Variants in ITGA9 observed in about 807,000 individuals in gnomAD.
The protein encoded by ITGA9 is integrin subunit alpha 9.
In ITGA9, 56 loss-of-function variants were observed where a neutral mutation model predicts 127.8. The ratio of observed to expected loss-of-function variants is 0.44; its 90% confidence interval spans 0.35 to 0.55. The LOEUF (loss-of-function observed/expected upper bound fraction) is 0.55. Ranked by LOEUF, ITGA9 falls within the 20% of genes least tolerant of loss-of-function variation. The pLI, the probability that ITGA9 is intolerant of heterozygous loss-of-function variation, is 0.00. For synonymous variants in ITGA9, 508 were observed against 514.5 expected, an observed-to-expected ratio of 0.99 and a Z score of 0.17; for missense variants, 1,196 against 1,347.1, an observed-to-expected ratio of 0.89 and a Z score of 1.76.
chr3:37,532,837 T>A (rs1699167720), intron 13 of ITGA9, among the ~76,000 whole-genome samples: 1 of 152,194 alleles, frequency 6.6e-6, no homozygotes, highest in African/African-American at 2.4e-5. Context: ...ATGCAGGAGG[T>A]TTGACCAACT....
chr3:37,752,337 A>G (rs562261144), intron 23 of ITGA9, among the ~76,000 whole-genome samples: 8 of 152,296 alleles, frequency 5.3e-5, no homozygotes, highest in African/African-American at 1.9e-4. Flanking sequence ...ACCAGCACTC[A>G]TTCTCTGTAC....
intron 18 of ITGA9, among the ~76,000 whole-genome samples, chr3:37,714,966 C>A (rs114906726): frequency 0.011 from 1,623 of 152,322 alleles, 26 homozygotes; most frequent in African/African-American, 0.037. Flanking sequence ...TTCCCTCACC[C>A]TCTCTGGGTC....
At chr3:37,656,842 C>CT (rs957537180) in intron 17 of ITGA9, among the ~76,000 whole-genome samples, 2 of 95,268 alleles carry the variant, frequency 2.1e-5, no homozygotes, top group East Asian at 3.0e-4. Context: ...ATAAACAGCT[C>CT]TTTTTTTTTG....
Position 37,462,684 on chromosome 3 carries a change from G to C in ITGA9, c.186-8323G>C, listed in dbSNP as rs141547519. Among the ~76,000 whole-genome samples, 48 of 152,294 alleles carry C rather than the reference G, an allele frequency of 3.2e-4. 1 individual carries two copies. The highest frequency in any genetic ancestry group is 1.0e-3 in the African/African-American group (43 of 41,564). On this transcript the variant is annotated intron_variant, in intron 1 of 27. Transcript: ENST00000264741. ...AGGTATCAGGTTTCTAAGGAAAAAG[G>C]AGAAGGGCCCTGAAAGGAAAAGGGC...
rs548164610 is a variant in ITGA9, at chr3:37,682,580, A to G, written c.1917-1285A>G. On this transcript the variant is annotated intron_variant, in intron 17 of 27. Coordinates refer to ENST00000264741, the MANE Select transcript of ITGA9 (RefSeq NM_002207.3). ...ATCGTTTCTAGTCTGTCCCAAATGTATCCTAGCCCAGACCCCTCCTTCAAC... is the reference window on the plus strand; with the variant it reads ...ATCGTTTCTAGTCTGTCCCAAATGTGTCCTAGCCCAGACCCCTCCTTCAAC... 1.1e-4 allele frequency among the ~76,000 whole-genome samples: 17 copies of G among 152,268 alleles called. No individual in the cohort carries two copies. In the South Asian group the frequency reaches 3.5e-3, roughly 32 times the overall value.
In ITGA9 at chr3:37,629,490, A is replaced by G. The variant is rs1404326198; in HGVS notation, c.1839+154A>G. On this transcript the variant is annotated intron_variant, in intron 16 of 27. Transcript: ENST00000264741. This position sits in a 1 kb window ranked among gnomAD's most constrained non-coding sequence, Gnocchi z 4.5. ...CTGGGTCTCCCTTTTCTGATCTGCA[A>G]AATGATAAAATAAACAGTCTTAGGG... 14 of 771,226 alleles carry G rather than the reference A, an allele frequency of 1.8e-5. No homozygotes were observed. Among genetic ancestry groups the G allele is most frequent in the Non-Finnish European group, 2.9e-5 (13 of 454,304 alleles). 47.8% of individuals were successfully genotyped at this position (771,226 alleles called of 1,614,324 possible).
intron 26 of ITGA9, among the ~76,000 whole-genome samples, chr3:37,803,278 G>A (rs902055128): frequency 2.6e-5 from 4 of 152,118 alleles, no homozygotes; most frequent in Admixed American, 2.6e-4. Context: ...TTAAATCAGG[G>A]TTGTTGTCAT....
At chr3:37,455,941 T>C (rs1254375598) in intron 1 of ITGA9, among the ~76,000 whole-genome samples, 1 of 152,208 alleles carries the variant, frequency 6.6e-6, no homozygotes, top group Middle Eastern at 3.2e-3. Flanking sequence ...AGCACTTCTC[T>C]AATCCCATAA....
chr3:37,787,730 C>G (rs865888402), intron 26 of ITGA9, among the ~76,000 whole-genome samples: 2 of 152,216 alleles, frequency 1.3e-5, no homozygotes, highest in African/African-American at 4.8e-5. Flanking sequence ...TGTCAACTAT[C>G]AGTCTGAAGG....
chr3:37,717,927 TG>T (rs1701151855), intron 18 of ITGA9, among the ~76,000 whole-genome samples: 1 of 152,178 alleles, frequency 6.6e-6, no homozygotes, highest in East Asian at 1.9e-4. Flanking sequence ...ATACGACCTG[TG>T]GGGTGGGAAT....
chr3:37,567,451 C>T (rs535603752), intron 15 of ITGA9, among the ~76,000 whole-genome samples: 1 of 151,372 alleles, frequency 6.6e-6, no homozygotes, highest in African/African-American at 2.4e-5. Flanking sequence ...AATATCATCT[C>T]ATCACATTCC....
At chr3:37,582,487 A>G (rs915510008) in intron 15 of ITGA9, among the ~76,000 whole-genome samples, 1 of 152,224 alleles carries the variant, frequency 6.6e-6, no homozygotes, top group African/African-American at 2.4e-5. Flanking sequence ...TCCTACCTCC[A>G]ACCCCATTCC....
intron 15 of ITGA9, among the ~76,000 whole-genome samples, chr3:37,584,855 C>T (rs1425088435): frequency 6.6e-6 from 1 of 151,972 alleles, no homozygotes; most frequent in Non-Finnish European, 1.5e-5. Context: ...AGTATCTAGC[C>T]CTTAGTGGCT....
intron 15 of ITGA9, among the ~76,000 whole-genome samples, chr3:37,589,202 C>G (rs988499251): frequency 2.0e-5 from 3 of 152,214 alleles, no homozygotes; most frequent in Non-Finnish European, 4.4e-5. Context: ...AAGGGAACAT[C>G]AGCGAATTGT....
chr3:37,538,833 TG>T (rs1472994861), intron 14 of ITGA9, among the ~76,000 whole-genome samples: 1 of 152,230 alleles, frequency 6.6e-6, no homozygotes, highest in African/African-American at 2.4e-5. Context: ...TAATTTCCTT[TG>T]GGGTAATTTA....
chr3:37,517,729 C>G (rs1040259371), intron 10 of ITGA9, 120 bp downstream of exon 10: 2 of 761,836 alleles, frequency 2.6e-6, no homozygotes, highest in African/African-American at 3.4e-5. Flanking sequence ...TCTACTGATC[C>G]CCTTCGAAGG....
At chr3:37,540,090 A>T (rs169146) in intron 14 of ITGA9, among the ~76,000 whole-genome samples, 18 of 152,180 alleles carry the variant, frequency 1.2e-4, no homozygotes, top group Non-Finnish European at 1.8e-4. Context: ...CAATACCATC[A>T]GTTCCATCTT....
chr3:37,627,326 G>A (rs1039240345), intron 15 of ITGA9, among the ~76,000 whole-genome samples: 5 of 152,058 alleles, frequency 3.3e-5, no homozygotes, highest in African/African-American at 1.2e-4. Flanking sequence ...CACAGGCATG[G>A]CCATATCTGC....
intron 25 of ITGA9, among the ~76,000 whole-genome samples, chr3:37,783,771 G>A (rs1697006474): frequency 6.6e-6 from 1 of 152,194 alleles, no homozygotes; most frequent in Admixed American, 6.5e-5. Flanking sequence ...TGAGTTAACT[G>A]GAGTAACTCT....
Sources: gnomAD v4.1 joint callset for allele counts (sites outside exome capture counted in the v4.1 genomes callset) on GRCh38, gnomAD v4.1.1 for gene constraint, Gnocchi (gnomAD v3.1) non-coding constraint, MANE v1.5 for transcripts, NCBI Gene and HGNC (gene_info 2026-07-23, HGNC 2026-07-21) for gene names.